The following CRACD variants were observed in gnomAD, a reference collection of about 807,000 sequenced individuals.
CRACD encodes capping protein-inhibiting regulator of actin dynamics.
In CRACD, 56 loss-of-function variants were observed where a neutral mutation model predicts 106.8. The ratio of observed to expected loss-of-function variants is 0.52; its 90% CI spans 0.42 to 0.66. The LOEUF (loss-of-function observed/expected upper bound fraction) is 0.66. Among genes scored for constraint, CRACD ranks in the 30% least tolerant of loss-of-function variants. The probability of loss-of-function intolerance (pLI) is 0.00; values close to 1 mark genes in which losing one functional copy is unlikely to be tolerated. For synonymous variants in CRACD, 754 were observed against 670.8 expected (o/e 1.12, Z -1.92); for missense variants, 1,730 against 1,623.2 (o/e 1.07, Z -1.13).
At chr4:56,088,185 G>A (rs1027537147) in intron 1 of CRACD, among the ~76,000 whole-genome samples, 1 of 141,536 alleles carries the variant, frequency 7.1e-6, no homozygotes, top group Non-Finnish European at 1.5e-5. Flanking sequence ...AGGGGTACAT[G>A]TGCAGGTTTG....
At chr4:56,091,935 A>G (rs185196780) in intron 1 of CRACD, among the ~76,000 whole-genome samples, 1 of 152,248 alleles carries the variant, frequency 6.6e-6, no homozygotes, top group Non-Finnish European at 1.5e-5. Context: ...TTAAATTTTA[A>G]ACTTTGAGAG....
intron 1 of CRACD, among the ~76,000 whole-genome samples, chr4:56,100,858 GGCAGCCCCA>G (rs1271486873): frequency 6.6e-6 from 1 of 152,152 alleles, no homozygotes; most frequent in Non-Finnish European, 1.5e-5. Context: ...AGTTGGTTAT[GGCAGCCCCA>G]GCAAATGAAT....
intron 1 of CRACD, among the ~76,000 whole-genome samples, chr4:56,079,841 A>G (rs1028102537): frequency 6.6e-6 from 1 of 152,098 alleles, no homozygotes; most frequent in African/African-American, 2.4e-5. Context: ...CTTTTTTCCA[A>G]CGACGGAAGG....
chr4:56,177,799 A>G (rs1369115072), intron 1 of CRACD, among the ~76,000 whole-genome samples: 2 of 152,124 alleles, frequency 1.3e-5, no homozygotes, highest in African/African-American at 4.8e-5. Flanking sequence ...ATTGTTGTAC[A>G]ATTGTTCATA....
chr4:56,122,666 C>A (rs1351001271), intron 1 of CRACD, among the ~76,000 whole-genome samples: 2 of 152,214 alleles, frequency 1.3e-5, no homozygotes, highest in African/African-American at 4.8e-5. Context: ...TCCTCAATAA[C>A]ATCAGCAATT....
At chr4:56,088,819 G>A (rs1039330997) in intron 1 of CRACD, among the ~76,000 whole-genome samples, 39 of 152,060 alleles carry the variant, frequency 2.6e-4, no homozygotes, top group African/African-American at 8.5e-4. Context: ...TCTGCCTCCC[G>A]GGTTCAAGCA....
chr4:56,215,143 A>G (rs1182504913), intron 2 of CRACD, among the ~76,000 whole-genome samples: 2 of 152,102 alleles, frequency 1.3e-5, no homozygotes, highest in African/African-American at 2.4e-5. Context: ...CCAAGTAGCT[A>G]GGACCACAAG....
rs900054763 is a variant in CRACD at position 56,144,663 on chromosome 4, T to C, written c.-335-34621T>C. 1.2e-4 allele frequency among the ~76,000 whole-genome samples: 18 copies of C among 147,740 alleles called. No homozygotes were observed. The East Asian group carries it at 1.8e-3, about 15-fold the overall frequency. On this transcript the variant is annotated intron_variant, in intron 1 of 10. Transcript: ENST00000682029. ...TGTGTATATTTTCTTTCTTCTTCTT[T>C]TTTTTTTTTTGAAATGGAGTCTTGC...
intron 1 of CRACD, among the ~76,000 whole-genome samples, chr4:56,151,263 G>A (rs1324205628): frequency 6.6e-6 from 1 of 152,128 alleles, no homozygotes; most frequent in Non-Finnish European, 1.5e-5. Flanking sequence ...GCCTCTCAAA[G>A]TGCTTGGATT....
intron 1 of CRACD, among the ~76,000 whole-genome samples, chr4:56,066,737 C>T (rs1732477486): frequency 6.6e-6 from 1 of 152,080 alleles, no homozygotes; most frequent in African/African-American, 2.4e-5. Context: ...CCCACCACAC[C>T]ACACAGACAG....
chr4:56,124,596 G>A (rs1400837925), intron 1 of CRACD, among the ~76,000 whole-genome samples: 3 of 152,036 alleles, frequency 2.0e-5, no homozygotes, highest in African/African-American at 7.3e-5. Flanking sequence ...CTATTTTATA[G>A]ATGTCTTTTT....
At chr4:56,320,790 C>T (rs1158621862) in intron 8 of CRACD, 3 of 153,832 alleles carry the variant, frequency 2.0e-5, no homozygotes, top group Non-Finnish European at 4.4e-5. Flanking sequence ...ACTTCGCCAT[C>T]TTGGGTGCCT....
At chr4:56,160,186 T>A (rs114084144) in intron 1 of CRACD, among the ~76,000 whole-genome samples, 49,687 of 127,688 alleles carry the variant, frequency 0.39, 7,513 homozygotes, top group Middle Eastern at 0.48. Context: ...CATATTTTGA[T>A]TTTTTTTTTT....
At chr4:56,200,893 G>A (rs549913414) in intron 2 of CRACD, among the ~76,000 whole-genome samples, 48 of 152,232 alleles carry the variant, frequency 3.2e-4, no homozygotes, top group Non-Finnish European at 5.3e-4. Context: ...GTGTGTTCCA[G>A]TATATTCACG....
chr4:56,234,125 C>T (rs906701714), intron 2 of CRACD, among the ~76,000 whole-genome samples: 2 of 151,934 alleles, frequency 1.3e-5, no homozygotes, highest in African/African-American at 4.8e-5. Flanking sequence ...AAAAATTCAC[C>T]CTTTTAAAGT....
At chr4:56,193,038 A>G (rs900276370) in intron 2 of CRACD, among the ~76,000 whole-genome samples, 2 of 152,208 alleles carry the variant, frequency 1.3e-5, no homozygotes, top group African/African-American at 4.8e-5. Context: ...TGGGTAATTT[A>G]TAAAGAAAAA....
chr4:56,322,826 C>T (rs1212524775), intron 8 of CRACD, among the ~76,000 whole-genome samples: 2 of 152,138 alleles, frequency 1.3e-5, no homozygotes, highest in African/African-American at 4.8e-5. Flanking sequence ...GTCAGGAGTT[C>T]GAGACCAGCC....
At chr4:56,258,176 A>G (rs562672313) in intron 2 of CRACD, among the ~76,000 whole-genome samples, 6 of 152,058 alleles carry the variant, frequency 3.9e-5, no homozygotes, top group African/African-American at 1.2e-4. Flanking sequence ...ACAACTCCTT[A>G]TCTTAACTCA....
intron 8 of CRACD, among the ~76,000 whole-genome samples, chr4:56,317,415 G>T (rs1398376544): frequency 6.6e-6 from 1 of 152,162 alleles, no homozygotes; most frequent in East Asian, 1.9e-4. Context: ...CAGTGTGTCT[G>T]CAGTTCACTC....
Sources: allele counts gnomAD v4.1 joint callset (sites outside exome capture counted in the v4.1 genomes callset), GRCh38; gene constraint gnomAD v4.1.1; transcripts MANE v1.5; gene names NCBI Gene and HGNC (gene_info 2026-07-23, HGNC 2026-07-21).